The following SLC25A29 variants were observed in gnomAD, a reference collection of about 807,000 sequenced individuals.
The protein encoded by SLC25A29 is solute carrier family 25 member 29, also known as mitochondrial basic amino acids transporter.
SLC25A29 carries 13 observed loss-of-function variants against 10.0 expected under a neutral mutation model. The observed-to-expected ratio is 1.30, with a 90% CI of 0.85 to 2.07. SLC25A29 has a LOEUF of 2.07. SLC25A29 is among the 30% of genes most tolerant of loss of function. The pLI is 0.00. For missense variants in SLC25A29, 475 were observed against 447.6 expected, an observed-to-expected ratio of 1.06 and a Z score of -0.55; for synonymous variants, 244 against 221.1, an observed-to-expected ratio of 1.10 and a Z score of -0.92.
chr14:100,281,972 G>GGAAGTAT, the SLC25A29 span: 1 of 152,226 alleles, frequency 6.6e-6, no homozygotes, highest in Admixed American at 6.5e-5. Context: ...AGGCTTGATG[G>GGAAGTAT]GAAGTATGGG....
In SLC25A29 at chr14:100,292,974, G is replaced by A. The variant is rs910503358; in HGVS notation, c.221C>T (p.Ala74Val). 6.3e-7 allele frequency: 1 copy of A among 1,598,514 alleles called. No individual in the cohort carries two copies. The highest frequency in any genetic ancestry group is 1.1e-5 in the South Asian group (1 of 89,026). Residue 74 changes from alanine to valine, a missense_variant, in exon 4 of 4, where the codon GCG becomes GTG. Ala to Val is a moderately conservative substitution (Grantham distance 64). Coordinates refer to ENST00000359232, the MANE Select transcript of SLC25A29 (RefSeq NM_001039355.3). Reference protein sequence around the residue: ...SPLMGLTFINALVFGVQGNTL... With the variant: ...SPLMGLTFINVLVFGVQGNTL... The stretch of plus-strand genomic sequence containing the variant: ...GTTGCCCTGCACCCCGAACACCAGC[G>A]CGTTGATGAAGGTGAGCCCCATGAG...
chr14:100,285,691 C>A, the SLC25A29 span, among the ~76,000 whole-genome samples: 1 of 152,034 alleles, frequency 6.6e-6, no homozygotes, highest in Admixed American at 6.5e-5. Context: ...AGGCCTCGGG[C>A]GGAGGAGACT....
At chr14:100,299,057 C>T (rs1892367345) in intron 1 of SLC25A29, 172 bp from the exon 2 acceptor site, 1 of 1,443,170 alleles carries the variant, frequency 6.9e-7, no homozygotes, top group African/African-American at 1.4e-5. Flanking sequence ...CTGGAATCCT[C>T]ACGTCCACTG....
chr14:100,285,200 C>T, the SLC25A29 span, among the ~76,000 whole-genome samples: 6 of 152,074 alleles, frequency 3.9e-5, no homozygotes, highest in African/African-American at 1.2e-4. Flanking sequence ...CCAGCCCTAG[C>T]CCCTGCCCGC....
At chr14:100,304,839 C>A (rs1892807605) in intron 1 of SLC25A29, 1 of 152,318 alleles carries the variant, frequency 6.6e-6, no homozygotes, top group South Asian at 2.1e-4. Context: ...GACGGTAGCG[C>A]CACTGCAGAA....
At position 100,292,614 on chromosome 14, in the gene SLC25A29, A is replaced by G; in HGVS notation, c.581T>C (p.Leu194Ser). ...GDRLLVPKLL[L>S]AGGTSGIVSW... The stretch of plus-strand genomic sequence containing the variant: ...CACGATGCCTGACGTACCGCCCGCC[A>G]ACAGCAGCTTGGGCACCAGCAGGCG... The change falls in exon 4 of 4, where the codon TTG becomes TCG. Residue 194 changes from leucine to serine, a missense_variant. Coordinates refer to ENST00000359232, the MANE Select transcript of SLC25A29 (RefSeq NM_001039355.3). 6.2e-7 allele frequency: 1 copy of G among 1,606,492 alleles called. No homozygotes were observed. The highest frequency in any genetic ancestry group is 8.5e-7 in the Non-Finnish European group (1 of 1,177,332).
rs537759334 is a variant in SLC25A29, at chr14:100,292,848, G to C, written c.347C>G (p.Ala116Gly). 37 of 1,596,424 alleles carry C rather than the reference G, an allele frequency of 2.3e-5. No individual in the cohort carries two copies. Among genetic ancestry groups the C allele is most frequent in the African/African-American group, 8.0e-5 (6 of 74,778 alleles). ...GTCCTGCAGCTGCAGCCGCGTCTTG[G>C]CCAGCTCCATGGGGCAGCAGATGAC... ...QCVICCPMEL[A>G]KTRLQLQDAG... The change falls in exon 4 of 4, where the codon GCC (alanine) becomes GGC (glycine). Residue 116 changes from alanine to glycine, a missense_variant. Physicochemically the swap from Ala to Gly is moderately conservative, Grantham distance 60. Coordinates refer to ENST00000359232, the MANE Select transcript of SLC25A29 (RefSeq NM_001039355.3).
chr14:100,290,072 G>A (rs1240833928), downstream of SLC25A29, among the ~76,000 whole-genome samples: 1 of 152,138 alleles, frequency 6.6e-6, no homozygotes, highest in Non-Finnish European at 1.5e-5. Flanking sequence ...GCAGGCAGCC[G>A]CAGGGTTCGT....
intron 1 of SLC25A29, chr14:100,305,113 G>A (rs1317067214): frequency 6.6e-6 from 1 of 152,100 alleles, no homozygotes; most frequent in East Asian, 1.9e-4. Flanking sequence ...GTAACCGACC[G>A]GGAAGTTCTA....
intron 1 of SLC25A29, among the ~76,000 whole-genome samples, chr14:100,301,683 G>A (rs544959262): frequency 9.3e-4 from 139 of 149,942 alleles, no homozygotes; most frequent in African/African-American, 3.2e-3. Flanking sequence ...CTAATTTTTT[G>A]CATATTTAGT....
At chr14:100,288,081 C>T (rs899645699), downstream of SLC25A29, among the ~76,000 whole-genome samples, 1 of 152,104 alleles carries the variant, frequency 6.6e-6, no homozygotes, top group Non-Finnish European at 1.5e-5. Flanking sequence ...TGGCCAGCTC[C>T]GGCCGCAAGA....
rs919829294 is a variant in SLC25A29 at position 100,292,991 on chromosome 14, C to A, written c.204G>T (p.Gly68=). 3 of 1,588,684 alleles carry A rather than the reference C, an allele frequency of 1.9e-6. No homozygotes were observed. The highest frequency in any genetic ancestry group is 2.6e-6 in the Non-Finnish European group (3 of 1,168,258). ...ACACCAGCGCGTTGATGAAGGTGAGCCCCATGAGCGGCGAGCCCAGGCCCT... is the reference window on the plus strand; with the variant it reads ...ACACCAGCGCGTTGATGAAGGTGAGACCCATGAGCGGCGAGCCCAGGCCCT... ...LYKGLGSPLM[G]LTFINALVFG... The change falls in exon 4 of 4, where the codon GGG becomes GGT. Residue 68 remains glycine, a synonymous_variant. Coordinates refer to ENST00000359232, the MANE Select transcript of SLC25A29 (RefSeq NM_001039355.3).
chr14:100,289,512 A>C (rs1252936291), downstream of SLC25A29, among the ~76,000 whole-genome samples: 2 of 152,108 alleles, frequency 1.3e-5, no homozygotes, highest in Non-Finnish European at 2.9e-5. Flanking sequence ...TAGTATTTTT[A>C]GTTTTTAGCA....
At chr14:100,301,695 G>A (rs888907505) in intron 1 of SLC25A29, among the ~76,000 whole-genome samples, 1 of 149,968 alleles carries the variant, frequency 6.7e-6, no homozygotes, top group Non-Finnish European at 1.5e-5. Flanking sequence ...ATATTTAGTA[G>A]AGACGGGGTT....
chr14:100,303,773 G>T (rs1043581031), intron 1 of SLC25A29, among the ~76,000 whole-genome samples: 1 of 143,660 alleles, frequency 7.0e-6, no homozygotes, highest in Non-Finnish European at 1.5e-5. Context: ...TCCCCAACCA[G>T]TAGTCCTCAG....
chr14:100,299,150 T>G, intron 1 of SLC25A29: 1 of 1,355,542 alleles, frequency 7.4e-7, no homozygotes, highest in Non-Finnish European at 9.5e-7. Context: ...GCTGCTGCTC[T>G]CCGCGGCTGA....
intron 1 of SLC25A29, among the ~76,000 whole-genome samples, chr14:100,303,493 ACTCAAGT>A (rs1398351243): frequency 3.9e-5 from 6 of 152,162 alleles, no homozygotes; most frequent in Non-Finnish European, 7.4e-5. Flanking sequence ...ACAAGGCCCC[ACTCAAGT>A]CTCCCAGGAG....
rs924182414 is a variant in SLC25A29, at chr14:100,293,120, C to G, written c.163-88G>C. 2.8e-6 allele frequency: 4 copies of G among 1,454,430 alleles called. No individual in the cohort carries two copies. The African/African-American group carries it at 5.7e-5, about 21-fold the overall frequency. 90.1% of individuals were successfully genotyped at this position (1,454,430 alleles called of 1,614,324 possible). On this transcript the variant is annotated intron_variant, in intron 3 of 3. Coordinates refer to ENST00000359232, the MANE Select transcript of SLC25A29 (RefSeq NM_001039355.3). ...GGGGGTCGGGGGATGGCAGCCCCAG[C>G]CCACCCCAGGGGCTCCTGAGGACCA...
At chr14:100,296,112 C>A in intron 2 of SLC25A29, 1 of 1,049,906 alleles carries the variant, frequency 9.5e-7, no homozygotes, top group South Asian at 1.5e-5. Flanking sequence ...CAATTATATT[C>A]AACCAGGCAA....
Sources: gnomAD v4.1 joint callset for allele counts (sites outside exome capture counted in the v4.1 genomes callset) on GRCh38, gnomAD v4.1.1 for gene constraint, MANE v1.5 for transcripts, NCBI Gene and HGNC (gene_info 2026-07-23, HGNC 2026-07-21) for gene names.